The following WWOX variants were observed in gnomAD, a reference collection of about 807,000 sequenced individuals.
WWOX encodes WW domain-containing oxidoreductase.
WWOX carries 69 observed loss-of-function variants against 46.2 expected under a neutral mutation model. The observed-to-expected ratio is 1.49, with a 90% CI of 1.23 to 1.82. The LOEUF (loss-of-function observed/expected upper bound fraction) is 1.82, where lower values mean the gene tolerates loss of function less well. WWOX is among the 40% of genes most tolerant of loss of function. The pLI is 0.00. For synonymous variants in WWOX, 359 were observed against 202.6 expected, an observed-to-expected ratio of 1.77 and a Z score of -6.56; for missense variants, 919 against 542.6, an observed-to-expected ratio of 1.69 and a Z score of -6.89.
rs915125186 is a variant in WWOX at position 78,137,864 on chromosome 16, T to C, written c.409+22710T>C. On this transcript the variant is annotated intron_variant, in intron 4 of 8. Coordinates refer to ENST00000566780, the MANE Select transcript of WWOX (RefSeq NM_016373.4). ...AGCAGTATCCATACTCTTAATAGAA[T>C]TGATATATGAAAGCAGGTCTTTTTC... Among the ~76,000 whole-genome samples, 6 of 139,498 alleles carry C rather than the reference T, an allele frequency of 4.3e-5. 1 individual carries two copies. The highest frequency in any genetic ancestry group is 1.3e-4 in the African/African-American group (5 of 37,530). 91.5% of individuals were successfully genotyped at this position (139,498 alleles called of 152,430 possible).
chr16:78,360,932 C>T (rs13331079), intron 5 of WWOX, among the ~76,000 whole-genome samples: 13,251 of 151,992 alleles, frequency 0.087, 641 homozygotes, highest in Middle Eastern at 0.15. Context: ...GCGATCCTCC[C>T]ACCTCAGTCT....
chr16:78,592,791 A>G (rs1473016019), intron 8 of WWOX, among the ~76,000 whole-genome samples: 1 of 152,224 alleles, frequency 6.6e-6, no homozygotes, highest in South Asian at 2.1e-4. Context: ...CTCCACCGTC[A>G]TCGATGATCC....
chr16:78,663,613 A>G (rs1344876678), intron 8 of WWOX, among the ~76,000 whole-genome samples: 1 of 152,156 alleles, frequency 6.6e-6, no homozygotes, highest in African/African-American at 2.4e-5. Flanking sequence ...TCATTCCAAT[A>G]TCTCTTTATG....
intron 8 of WWOX, among the ~76,000 whole-genome samples, chr16:78,893,268 C>G (rs962648486): frequency 2.0e-5 from 3 of 152,040 alleles, no homozygotes; most frequent in Admixed American, 6.6e-5. Context: ...TCTTTTTTAT[C>G]TGCCAACCTC....
chr16:78,845,862 C>T, intron 8 of WWOX, among the ~76,000 whole-genome samples: 1 of 152,300 alleles, frequency 6.6e-6, no homozygotes, highest in Non-Finnish European at 1.5e-5. Flanking sequence ...GAATATTCTG[C>T]ACGTCCATTT....
At chr16:78,557,205 C>G (rs9930942) in intron 8 of WWOX, among the ~76,000 whole-genome samples, 2 of 151,958 alleles carry the variant, frequency 1.3e-5, no homozygotes, top group African/African-American at 4.8e-5. Flanking sequence ...CTTGCTAACA[C>G]AGGGAAAGAC....
At chr16:79,147,230 C>A (rs1283517458) in intron 8 of WWOX, among the ~76,000 whole-genome samples, 1 of 152,174 alleles carries the variant, frequency 6.6e-6, no homozygotes, top group East Asian at 1.9e-4. Flanking sequence ...CGTTGCCTTG[C>A]AAACCACACC....
intron 8 of WWOX, among the ~76,000 whole-genome samples, chr16:78,964,362 C>G (rs757793608): frequency 7.2e-5 from 11 of 152,036 alleles, no homozygotes; most frequent in African/African-American, 2.7e-4. Flanking sequence ...ATGAGGAGCT[C>G]GTTGGGAATT....
chr16:78,541,552 C>T (rs2043895930), intron 8 of WWOX, among the ~76,000 whole-genome samples: 1 of 142,250 alleles, frequency 7.0e-6, no homozygotes, highest in Admixed American at 7.1e-5. Context: ...ACTGAGATAT[C>T]TACAGTGCTT....
chr16:79,119,653 C>G (rs781321036), intron 8 of WWOX, among the ~76,000 whole-genome samples: 1 of 152,180 alleles, frequency 6.6e-6, no homozygotes, highest in Admixed American at 6.5e-5. Flanking sequence ...GGTCCAGCCA[C>G]GAAGAGAACG....
intron 5 of WWOX, among the ~76,000 whole-genome samples, chr16:78,192,487 G>A (rs1202464806): frequency 4.4e-5 from 4 of 91,158 alleles, no homozygotes; most frequent in African/African-American, 8.9e-5. Flanking sequence ...GTGAGACTCC[G>A]TCTCAAAAAA....
rs554628004 is a variant in WWOX at position 79,108,093 on chromosome 16, A to G, written c.1057-103515A>G. ...GTCTTATCTATTATCAGGATTTTCT[A>G]CAATGAACATTTGTTGGTTTATAAT... On this transcript the variant is annotated intron_variant, in intron 8 of 8. Transcript: ENST00000566780. 3.3e-5 allele frequency among the ~76,000 whole-genome samples: 5 copies of G among 152,346 alleles called. No homozygotes were observed. The East Asian group carries it at 7.7e-4, about 24-fold the overall frequency.
intron 8 of WWOX, among the ~76,000 whole-genome samples, chr16:79,051,433 G>A (rs1299913692): frequency 6.6e-6 from 1 of 152,152 alleles, no homozygotes; most frequent in Non-Finnish European, 1.5e-5. Flanking sequence ...CCATTCTGTG[G>A]CTTCACCTTG....
At chr16:78,744,284 A>G (rs929092645) in intron 8 of WWOX, among the ~76,000 whole-genome samples, 4 of 152,160 alleles carry the variant, frequency 2.6e-5, no homozygotes, top group Non-Finnish European at 4.4e-5. Flanking sequence ...CACATAGGCT[A>G]TAACTGCAAG....
intron 5 of WWOX, among the ~76,000 whole-genome samples, chr16:78,234,510 C>G (rs1221502742): frequency 2.0e-5 from 3 of 152,146 alleles, no homozygotes; most frequent in South Asian, 2.1e-4. Flanking sequence ...AGCCAGATTT[C>G]TATTCTGATA....
intron 6 of WWOX, among the ~76,000 whole-genome samples, chr16:78,407,512 C>A (rs370031391): frequency 3.6e-4 from 55 of 152,284 alleles, no homozygotes; most frequent in Non-Finnish European, 6.2e-4. Flanking sequence ...ATTTCACTTA[C>A]AAATCTTCTG....
intron 8 of WWOX, among the ~76,000 whole-genome samples, chr16:78,855,541 A>G (rs564020916): frequency 2.0e-5 from 3 of 152,218 alleles, no homozygotes; most frequent in African/African-American, 7.2e-5. Context: ...GTGGCAGACA[A>G]TAAAATTTCC....
At position 79,129,763 on chromosome 16, in the gene WWOX, T is replaced by C. The variant is rs148509960; in HGVS notation, c.1057-81845T>C. On this transcript the variant is annotated intron_variant, in intron 8 of 8. Coordinates refer to ENST00000566780, the MANE Select transcript of WWOX (RefSeq NM_016373.4). ...AAATTATTCAATCCATGCATTGAAT[T>C]ATCTAGCTCATTCAAAGACAGTCAC... 2.8e-3 allele frequency among the ~76,000 whole-genome samples: 428 copies of C among 152,284 alleles called. 3 individuals carry two copies. Among genetic ancestry groups the C allele is most frequent in the African/African-American group, 0.01 (418 of 41,556 alleles).
intron 8 of WWOX, among the ~76,000 whole-genome samples, chr16:78,524,908 C>G (rs2043427668): frequency 6.9e-6 from 1 of 144,700 alleles, no homozygotes; most frequent in Admixed American, 7.0e-5. Flanking sequence ...GTCTGGCACC[C>G]AGGCTGGAGT....
Sources: allele counts gnomAD v4.1 joint callset (sites outside exome capture counted in the v4.1 genomes callset), GRCh38; gene constraint gnomAD v4.1.1; transcripts MANE v1.5; gene names NCBI Gene and HGNC (gene_info 2026-07-23, HGNC 2026-07-21).